The following EIF4B variants were observed in gnomAD, a reference collection of about 807,000 sequenced individuals.
The protein encoded by EIF4B is eukaryotic translation initiation factor 4B.
EIF4B carries 8 observed loss-of-function variants against 79.3 expected under a neutral mutation model. The ratio of observed to expected loss-of-function variants is 0.10; its 90% CI spans 0.06 to 0.18. EIF4B has a LOEUF of 0.18. Ranked by LOEUF, EIF4B falls within the 10% of genes least tolerant of loss-of-function variation. The pLI is 1.00. For synonymous variants in EIF4B, 238 were observed against 274.7 expected (o/e 0.87, Z 1.32); for missense variants, 515 against 792.4 (o/e 0.65, Z 4.20).
intron 6 of EIF4B, among the ~76,000 whole-genome samples, chr12:53,023,632 G>A (rs533889625): frequency 3.5e-5 from 5 of 142,744 alleles, no homozygotes; most frequent in East Asian, 4.2e-4. Flanking sequence ...TGCCCAGGCC[G>A]GAGTGCAATG....
At position 53,030,413 on chromosome 12, in the gene EIF4B, C is replaced by CTTTTTTTT. The variant is rs759061266; in HGVS notation, c.979+2243_979+2250dup. ...GAAATAGGTTTTAAAAAATTATATT[C>CTTTTTTTT]TTTTTTTTTTTTTTTTTTTTTTTTT... On this transcript the variant is annotated intron_variant, in intron 8 of 14. Coordinates refer to ENST00000262056, the MANE Select transcript of EIF4B (RefSeq NM_001417.7). Among the ~76,000 whole-genome samples the CTTTTTTTT allele has an allele frequency of 2.4e-3, 102 of 43,090 alleles. 30 individuals are homozygous for CTTTTTTTT. The Middle Eastern group carries it at 0.06, about 25-fold the overall frequency. The allele number at this position is 43,090 out of a possible 152,430, so 28.3% of individuals were successfully genotyped here.
chr12:53,027,354 G>A (rs145699185), intron 6 of EIF4B, among the ~76,000 whole-genome samples: 3,780 of 151,070 alleles, frequency 0.025, 164 homozygotes, highest in African/African-American at 0.087. Flanking sequence ...GGATGGTCTC[G>A]ATCTCTTGAA....
chr12:53,025,523 A>C (rs551909664), intron 6 of EIF4B, among the ~76,000 whole-genome samples: 1 of 152,336 alleles, frequency 6.6e-6, no homozygotes, highest in South Asian at 2.1e-4. Context: ...GCTTTTCTCC[A>C]GCATGGATCT....
Position 53,025,425 on chromosome 12 carries a change from C to T in EIF4B, c.668-2357C>T, listed in dbSNP as rs1943317486. 6 of 340,604 alleles carry T rather than the reference C, an allele frequency of 1.8e-5. No homozygotes were observed. The Admixed American group carries it at 2.1e-4, about 12-fold the overall frequency. The allele number at this position is 340,604 out of a possible 1,614,324, so 21.1% of individuals were successfully genotyped here. A position where few individuals can be genotyped will look rare whatever the true frequency, so the allele number is the denominator to read the frequency against. On this transcript the variant is annotated intron_variant, in intron 6 of 14. Transcript: ENST00000262056. ...ATTAAAGATCCAGAGACTCCTGTCCCAAGCATTAGGCCAAAAAGAGAACCC... is the reference window on the plus strand; with the variant it reads ...ATTAAAGATCCAGAGACTCCTGTCCTAAGCATTAGGCCAAAAAGAGAACCC...
At chr12:53,033,239 G>C (rs1033993124) in intron 8 of EIF4B, among the ~76,000 whole-genome samples, 1 of 151,282 alleles carries the variant, frequency 6.6e-6, no homozygotes, top group Non-Finnish European at 1.5e-5. Context: ...TGTTGGTCTC[G>C]AACTCCCGAC....
chr12:53,031,403 A>C (rs1943444147), intron 8 of EIF4B, among the ~76,000 whole-genome samples: 1 of 152,114 alleles, frequency 6.6e-6, no homozygotes, highest in Non-Finnish European at 1.5e-5. Context: ...CATCCTCCCC[A>C]GTAGCTGGGA....
chr12:53,040,493 G>C lies in EIF4B; in HGVS notation c.*270G>C, dbSNP rs1189142494. On this transcript the variant is annotated 3_prime_UTR_variant, in exon 15 of 15. Coordinates refer to ENST00000262056, the MANE Select transcript of EIF4B (RefSeq NM_001417.7). Reference sequence around the variant, plus strand: ...TTGTGGTGCGTTATGTCACCATGCAGTTGCCAGTGTGATTAGTGCCTAGGG... The same window carrying C: ...TTGTGGTGCGTTATGTCACCATGCACTTGCCAGTGTGATTAGTGCCTAGGG... The C allele has an allele frequency of 1.7e-5, 6 of 346,246 alleles. No individual in the cohort carries two copies. Among genetic ancestry groups the C allele is most frequent in the African/African-American group, 1.0e-4 (5 of 47,730 alleles). 21.4% of individuals were successfully genotyped at this position (346,246 alleles called of 1,614,324 possible). A position where few individuals can be genotyped will look rare whatever the true frequency, so the allele number is the denominator to read the frequency against.
Position 53,042,167 on chromosome 12 carries a change from G to A in EIF4B, c.*1944G>A, listed in dbSNP as rs1416919094. On this transcript the variant is annotated 3_prime_UTR_variant, in exon 15 of 15. Transcript: ENST00000262056. ...TGTAAAATCCCATCCTTTGGGTTGTGGGTTTTTTGTTTTCTCCAAATAAAT... is the reference window on the plus strand; with the variant it reads ...TGTAAAATCCCATCCTTTGGGTTGTAGGTTTTTTGTTTTCTCCAAATAAAT... The A allele has an allele frequency of 1.3e-5, 2 of 152,584 alleles. No individual in the cohort carries two copies. Among genetic ancestry groups the A allele is most frequent in the Non-Finnish European group, 2.9e-5 (2 of 68,032 alleles). 9.5% of individuals were successfully genotyped at this position (152,584 alleles called of 1,614,324 possible).
intron 2 of EIF4B, among the ~76,000 whole-genome samples, chr12:53,017,270 GA>G (rs1477366675): frequency 4.0e-5 from 6 of 148,600 alleles, no homozygotes; most frequent in African/African-American, 1.5e-4. Flanking sequence ...AAAAAAAAGT[GA>G]TGTTTCAGTG....
chr12:53,023,113 G>A (rs555546575), intron 6 of EIF4B, among the ~76,000 whole-genome samples: 23 of 152,036 alleles, frequency 1.5e-4, no homozygotes, highest in Admixed American at 7.2e-4. Flanking sequence ...GTGACAGAGC[G>A]AGACCCTGTC....
intron 8 of EIF4B, among the ~76,000 whole-genome samples, chr12:53,028,874 T>C (rs1248712715): frequency 6.6e-6 from 1 of 151,970 alleles, no homozygotes; most frequent in African/African-American, 2.4e-5. Flanking sequence ...ACCTGTAATC[T>C]CAGCACTTTG....
At chr12:53,022,706 A>G in intron 6 of EIF4B, 79 bp downstream of exon 6, 1 of 1,503,274 alleles carries the variant, frequency 6.7e-7, no homozygotes, top group Admixed American at 2.3e-5. Flanking sequence ...GTTACAGATG[A>G]TCAGATCACA....
At chr12:53,009,195 A>C (rs929794999) in intron 1 of EIF4B, among the ~76,000 whole-genome samples, 2 of 152,168 alleles carry the variant, frequency 1.3e-5, no homozygotes, top group Non-Finnish European at 2.9e-5. Flanking sequence ...CCTAGAGGGA[A>C]TCAAATGCGT....
chr12:53,037,886 C>T (rs934952820), intron 11 of EIF4B: 1 of 485,924 alleles, frequency 2.1e-6, no homozygotes, highest in Non-Finnish European at 3.7e-6. Context: ...AGAGGCTTCC[C>T]TTTTGCCACA....
intron 1 of EIF4B, among the ~76,000 whole-genome samples, chr12:53,014,118 C>T (rs770443489): frequency 1.1e-4 from 16 of 151,794 alleles, no homozygotes; most frequent in Non-Finnish European, 2.2e-4. Flanking sequence ...GCCACGATTG[C>T]ACCACTGCAA....
At chr12:53,038,289 GA>G (rs1430508993) in intron 11 of EIF4B, 66 bp from the exon 12 acceptor site, 1 of 1,435,680 alleles carries the variant, frequency 7.0e-7, no homozygotes, top group East Asian at 2.4e-5. Flanking sequence ...TTTGGAGGAT[GA>G]TTATGTTTCT....
intron 1 of EIF4B, among the ~76,000 whole-genome samples, chr12:53,008,882 A>G (rs1246542155): frequency 6.6e-6 from 1 of 152,114 alleles, no homozygotes; most frequent in Non-Finnish European, 1.5e-5. Flanking sequence ...TAAAAATACA[A>G]AAATTAGCTG....
At chr12:53,019,387 G>A (rs1390745360) in intron 3 of EIF4B, among the ~76,000 whole-genome samples, 2 of 142,820 alleles carry the variant, frequency 1.4e-5, no homozygotes, top group Non-Finnish European at 3.0e-5. Flanking sequence ...CAACAAGAGT[G>A]AAACACCATC....
intron 3 of EIF4B, among the ~76,000 whole-genome samples, 158 bp from the exon 4 acceptor site, chr12:53,019,752 C>T (rs984147201): frequency 2.1e-5 from 3 of 145,308 alleles, no homozygotes; most frequent in African/African-American, 5.0e-5. Context: ...AGTAAAGTTT[C>T]TACTATCCCT....
Sources: gnomAD v4.1 joint callset for allele counts (sites outside exome capture counted in the v4.1 genomes callset) on GRCh38, gnomAD v4.1.1 for gene constraint, MANE v1.5 for transcripts, NCBI Gene and HGNC (gene_info 2026-07-23, HGNC 2026-07-21) for gene names.